Variants in GNAZ observed in about 807,000 individuals in gnomAD.
GNAZ encodes the protein guanine nucleotide-binding protein G(z) subunit alpha.
GNAZ carries 3 observed loss-of-function variants against 25.4 expected under a neutral mutation model. The ratio of observed to expected loss-of-function variants is 0.12; its 90% CI spans 0.05 to 0.30. GNAZ has a LOEUF of 0.30. GNAZ is among the 10% of genes least tolerant of loss of function. The pLI is 1.00. For missense variants in GNAZ, 241 were observed against 501.8 expected (o/e 0.48, Z 4.97); for synonymous variants, 211 against 205.7 (o/e 1.03, Z -0.22).
chr22:23,114,069 CTG>C (rs1411620877), intron 2 of GNAZ, among the ~76,000 whole-genome samples: 1 of 152,194 alleles, frequency 6.6e-6, no homozygotes, highest in Non-Finnish European at 1.5e-5. Context: ...AAGCTCATCT[CTG>C]TATGAAACCT....
At chr22:23,072,088 A>C (rs1442281713) in intron 1 of GNAZ, among the ~76,000 whole-genome samples, 1 of 151,954 alleles carries the variant, frequency 6.6e-6, no homozygotes, top group Non-Finnish European at 1.5e-5. Context: ...AGCTTTAAAG[A>C]CTGGGGAAGG....
chr22:23,092,742 G>T (rs1024228431), intron 1 of GNAZ, among the ~76,000 whole-genome samples: 3 of 152,204 alleles, frequency 2.0e-5, no homozygotes, highest in Admixed American at 6.5e-5. Flanking sequence ...CAGCCTTGGA[G>T]CCAGGGAGCA....
chr22:23,096,641 G>T (rs1373925663), intron 2 of GNAZ, among the ~76,000 whole-genome samples: 2 of 152,186 alleles, frequency 1.3e-5, no homozygotes, highest in Admixed American at 6.5e-5. Flanking sequence ...TCAGGGTGTG[G>T]AGGCCACAGG....
intron 2 of GNAZ, among the ~76,000 whole-genome samples, chr22:23,113,910 T>G (rs193245391): frequency 4.1e-4 from 62 of 152,344 alleles, no homozygotes; most frequent in African/African-American, 1.5e-3. Context: ...GGCATGTTGG[T>G]CACTGTGTCA....
chr22:23,107,270 T>G (rs2069510861), intron 2 of GNAZ, among the ~76,000 whole-genome samples: 1 of 152,100 alleles, frequency 6.6e-6, no homozygotes, highest in African/African-American at 2.4e-5. Flanking sequence ...CTGGCCCCCA[T>G]CCCAGAGGAG....
rs1453835098 is a variant in GNAZ at position 23,123,164 on chromosome 22, C to G, written c.801C>G (p.Leu267=). The G allele has an allele frequency of 2.5e-6, 4 of 1,614,014 alleles. No homozygotes were observed. Among genetic ancestry groups the G allele is most frequent in the Non-Finnish European group, 3.4e-6 (4 of 1,179,842 alleles). The change falls in exon 3 of 3, where the codon CTC becomes CTG. Residue 267 remains leucine (L), a synonymous_variant. Coordinates refer to ENST00000615612, the MANE Select transcript of GNAZ (RefSeq NM_002073.4). ...NNWFINTSLI[L]FLNKKDLLAE... ...GGTTCATCAACACCTCACTCATCCT[C>G]TTCCTGAACAAGAAGGACCTGCTGG...
intron 1 of GNAZ, among the ~76,000 whole-genome samples, chr22:23,083,075 G>C (rs1464358645): frequency 6.6e-6 from 1 of 152,138 alleles, no homozygotes; most frequent in Non-Finnish European, 1.5e-5. Context: ...GTGGGCAGGA[G>C]AAGTTTCAGG....
intron 1 of GNAZ, among the ~76,000 whole-genome samples, chr22:23,094,233 C>G (rs559819524): frequency 3.9e-5 from 6 of 152,110 alleles, no homozygotes; most frequent in Non-Finnish European, 8.8e-5. Flanking sequence ...AAGAGGGGTG[C>G]GTGTGAGTTG....
At chr22:23,092,052 G>A (rs1180132943) in intron 1 of GNAZ, among the ~76,000 whole-genome samples, 1 of 152,194 alleles carries the variant, frequency 6.6e-6, no homozygotes, top group African/African-American at 2.4e-5. Flanking sequence ...CAGAGGCACT[G>A]TGGTGGGGGG....
chr22:23,098,938 A>G (rs1211835852), intron 2 of GNAZ, among the ~76,000 whole-genome samples: 3 of 152,188 alleles, frequency 2.0e-5, no homozygotes, highest in Non-Finnish European at 2.9e-5. Context: ...AACGTGCTGA[A>G]CTGTCCTCCC....
chr22:23,114,808 C>T (rs1480305607), intron 2 of GNAZ, among the ~76,000 whole-genome samples: 1 of 152,238 alleles, frequency 6.6e-6, no homozygotes, highest in Non-Finnish European at 1.5e-5. Context: ...CCAGCATTCC[C>T]TCCTGCCTGT....
rs1188639934 is a variant in GNAZ at position 23,095,744 on chromosome 22, C to T, written c.49C>T (p.Arg17Trp). ...GGAAAAAGAAGCAGCCCGGCGGTCC[C>T]GGAGAATTGACCGCCACCTGCGCTC... The part of the protein sequence containing the change: ...SEEKEAARRS[R>W]RIDRHLRSES... The change falls in exon 2 of 3, where the codon CGG (arginine) becomes TGG (tryptophan). Residue 17 changes from arginine (R) to tryptophan (W), a missense_variant. Transcript: ENST00000615612. 4.3e-6 allele frequency: 7 copies of T among 1,612,494 alleles called. No homozygotes were observed. Among genetic ancestry groups the T allele is most frequent in the East Asian group, 2.2e-5 (1 of 44,882 alleles).
chr22:23,096,377 C>T lies in GNAZ; in HGVS notation c.682C>T (p.Leu228Phe). The T allele has an allele frequency of 6.2e-7, 1 of 1,612,650 alleles. No homozygotes were observed. The highest frequency in any genetic ancestry group is 1.1e-5 in the South Asian group (1 of 91,068). The stretch of plus-strand genomic sequence containing the variant: ...CACAGCCATCATCTTCTGTGTGGAG[C>T]TCAGCGGCTACGACCTGAAACTCTA... ...GVTAIIFCVE[L>F]SGYDLKLYED... The change falls in exon 2 of 3, where the codon CTC (leucine) becomes TTC (phenylalanine). Residue 228 changes from leucine (L) to phenylalanine (F), a missense_variant. By Grantham distance (22) the Leu-to-Phe change is conservative. Coordinates refer to ENST00000615612, the MANE Select transcript of GNAZ (RefSeq NM_002073.4).
intron 1 of GNAZ, among the ~76,000 whole-genome samples, chr22:23,082,959 A>G (rs1329976353): frequency 6.6e-6 from 1 of 152,052 alleles, no homozygotes; most frequent in African/African-American, 2.4e-5. Flanking sequence ...AGTGGTCAAG[A>G]TCATATTAAG....
chr22:23,118,667 G>C (rs953920771), intron 2 of GNAZ, among the ~76,000 whole-genome samples: 1 of 152,224 alleles, frequency 6.6e-6, no homozygotes, highest in South Asian at 2.1e-4. Flanking sequence ...GGTCATGGTT[G>C]GCAGAGGCAG....
chr22:23,110,149 C>A (rs769069923), intron 2 of GNAZ, among the ~76,000 whole-genome samples: 1 of 152,150 alleles, frequency 6.6e-6, no homozygotes, highest in African/African-American at 2.4e-5. Context: ...AGGGGTGGTT[C>A]GGGCTGTCTG....
At chr22:23,110,673 G>T (rs2069618901) in intron 2 of GNAZ, among the ~76,000 whole-genome samples, 1 of 152,252 alleles carries the variant, frequency 6.6e-6, no homozygotes, top group South Asian at 2.1e-4. Flanking sequence ...CCTGCCACTG[G>T]TCTGCTGTGG....
At position 23,071,851 on chromosome 22, in the gene GNAZ, GA is replaced by G. The variant is rs2068387147; in HGVS notation, c.-450+1282del. On this transcript the variant is annotated intron_variant, in intron 1 of 2. Transcript: ENST00000615612. The surrounding 1 kb of genome is among the most constrained non-coding windows in gnomAD (Gnocchi z 4.1). ...GTGGGCAGAGAGGAGAGAATAGACC[GA>G]GGCACTTGGGCAGTTAGGTCTGATG... Among the ~76,000 whole-genome samples, 1 of 152,196 alleles carries G rather than the reference GA, an allele frequency of 6.6e-6. No individual in the cohort carries two copies. The highest frequency in any genetic ancestry group is 1.5e-5 in the Non-Finnish European group (1 of 68,030).
intron 1 of GNAZ, among the ~76,000 whole-genome samples, chr22:23,094,481 C>T (rs2069068481): frequency 1.3e-5 from 2 of 152,332 alleles, no homozygotes; most frequent in Middle Eastern, 3.4e-3. Flanking sequence ...GTGATTACTA[C>T]TACCCTTGGG....
Sources: gnomAD v4.1 joint callset for allele counts (sites outside exome capture counted in the v4.1 genomes callset) on GRCh38, gnomAD v4.1.1 for gene constraint, Gnocchi (gnomAD v3.1) non-coding constraint, MANE v1.5 for transcripts, NCBI Gene and HGNC (gene_info 2026-07-23, HGNC 2026-07-21) for gene names.